ACBD6: variants seen among roughly 807,000 people sequenced by gnomAD.
The protein encoded by ACBD6 is acyl-CoA binding domain containing 6.
In ACBD6, 28 loss-of-function variants were observed where a neutral mutation model predicts 37.2. The ratio of observed to expected loss-of-function variants is 0.75; its 90% CI spans 0.56 to 1.03. ACBD6 has a LOEUF of 1.03. Ranked by LOEUF, ACBD6 falls within the 50% of genes least tolerant of loss-of-function variation. ACBD6 has a pLI of 0.00. For missense variants in ACBD6, 340 were observed against 337.4 expected (o/e 1.01, Z -0.06); for synonymous variants, 113 against 126.8 (o/e 0.89, Z 0.73).
intron 8 of ACBD6, among the ~76,000 whole-genome samples, chr1:180,281,623 C>T (rs1306489922): frequency 2.0e-5 from 3 of 152,140 alleles, no homozygotes; most frequent in African/African-American, 4.8e-5. Flanking sequence ...ATTCCTAGTG[C>T]CTTTCTTCAT....
At chr1:180,298,105 C>T (rs1649993307) in intron 7 of ACBD6, among the ~76,000 whole-genome samples, 1 of 152,166 alleles carries the variant, frequency 6.6e-6, no homozygotes, top group Non-Finnish European at 1.5e-5. Flanking sequence ...TCATGAATCA[C>T]TGTATACCAA....
chr1:180,409,273 T>C (rs187574344), intron 5 of ACBD6, among the ~76,000 whole-genome samples: 211 of 152,308 alleles, frequency 1.4e-3, no homozygotes, highest in African/African-American at 4.8e-3. Context: ...ATGTATTAAC[T>C]TTATAAAAAT....
intron 6 of ACBD6, among the ~76,000 whole-genome samples, chr1:180,320,401 T>G (rs970977985): frequency 6.6e-6 from 1 of 152,180 alleles, no homozygotes; most frequent in Non-Finnish European, 1.5e-5. Flanking sequence ...TTTGGGAGGC[T>G]GAGGCAGATG....
At chr1:180,314,022 C>A (rs909639300) in intron 7 of ACBD6, among the ~76,000 whole-genome samples, 2 of 152,086 alleles carry the variant, frequency 1.3e-5, no homozygotes, top group African/African-American at 2.4e-5. Flanking sequence ...AATCAAATTT[C>A]TTTTTCTTCA....
At chr1:180,474,925 TC>T (rs370953379) in intron 3 of ACBD6, among the ~76,000 whole-genome samples, 4 of 152,376 alleles carry the variant, frequency 2.6e-5, no homozygotes, top group African/African-American at 9.6e-5. Context: ...CATGTCCCTT[TC>T]AGGGATTCTT....
intron 8 of ACBD6, among the ~76,000 whole-genome samples, chr1:180,282,993 T>TTTG (rs397982133): frequency 7.7e-6 from 1 of 129,704 alleles, no homozygotes; most frequent in Non-Finnish European, 1.6e-5. Context: ...TTTTTTTTTT[T>TTTG]GGAAGGGTTC....
rs77771439 is a variant in ACBD6, at chr1:180,358,450, A to C, written c.663+39066T>G. ...TCAAAAACAACAACAACAACAACAA[A>C]AAAAAAAAACCTCACAGCATTTTAG... On this transcript the variant is annotated intron_variant, in intron 6 of 7. Transcript: ENST00000367595. 0.013 allele frequency among the ~76,000 whole-genome samples: 135 copies of C among 10,088 alleles called. 1 individual carries two copies. The Middle Eastern group carries it at 0.33, about 25-fold the overall frequency. 6.6% of individuals were successfully genotyped at this position (10,088 alleles called of 152,430 possible).
At chr1:180,362,762 T>A (rs1468831593) in intron 6 of ACBD6, among the ~76,000 whole-genome samples, 1 of 152,002 alleles carries the variant, frequency 6.6e-6, no homozygotes, top group Non-Finnish European at 1.5e-5. Context: ...ACTACTAATT[T>A]TAAAAAGACA....
At chr1:180,333,246 C>A (rs1396052226) in intron 6 of ACBD6, among the ~76,000 whole-genome samples, 2 of 151,322 alleles carry the variant, frequency 1.3e-5, no homozygotes, top group Non-Finnish European at 2.9e-5. Context: ...AAAAAAAACA[C>A]AATGAGAAGA....
chr1:180,428,646 T>G (rs1172599321), intron 4 of ACBD6, among the ~76,000 whole-genome samples: 1 of 152,200 alleles, frequency 6.6e-6, no homozygotes. Flanking sequence ...CATCAGACAT[T>G]TGAAAAGAAA....
chr1:180,450,115 T>A (rs1025507596), intron 3 of ACBD6, among the ~76,000 whole-genome samples: 1 of 152,010 alleles, frequency 6.6e-6, no homozygotes, highest in Non-Finnish European at 1.5e-5. Context: ...AGACATTGCA[T>A]AACAGAATGT....
intron 3 of ACBD6, among the ~76,000 whole-genome samples, chr1:180,490,743 G>A (rs1240642579): frequency 3.4e-5 from 5 of 148,256 alleles, no homozygotes; most frequent in Middle Eastern, 3.2e-3. Flanking sequence ...CCGAGATTGC[G>A]CCACTGCACT....
intron 6 of ACBD6, among the ~76,000 whole-genome samples, chr1:180,343,544 C>T (rs1473433613): frequency 2.6e-5 from 4 of 152,112 alleles, no homozygotes; most frequent in Admixed American, 1.3e-4. Flanking sequence ...GATTCAAAAA[C>T]AGCTACTCCT....
At chr1:180,325,775 T>G (rs1651238868) in intron 6 of ACBD6, among the ~76,000 whole-genome samples, 1 of 152,232 alleles carries the variant, frequency 6.6e-6, no homozygotes, top group East Asian at 1.9e-4. Context: ...TCTTGAAAAC[T>G]CATAGAGGTA....
At chr1:180,374,287 G>A (rs1303976535) in intron 6 of ACBD6, among the ~76,000 whole-genome samples, 3 of 152,100 alleles carry the variant, frequency 2.0e-5, no homozygotes, top group African/African-American at 4.8e-5. Context: ...ATGCACACTC[G>A]CTGCAGAGTA....
intron 3 of ACBD6, among the ~76,000 whole-genome samples, chr1:180,484,297 T>C (rs7551634): frequency 0.02 from 3,050 of 152,312 alleles, 96 homozygotes; most frequent in African/African-American, 0.068. Flanking sequence ...TCAAAACTCA[T>C]TGAATTACAC....
At chr1:180,403,406 GAAGA>G (rs1233779662) in intron 5 of ACBD6, among the ~76,000 whole-genome samples, 4 of 152,208 alleles carry the variant, frequency 2.6e-5, no homozygotes, top group African/African-American at 9.6e-5. Context: ...AAAATATTTA[GAAGA>G]AAGTGTACTG....
At chr1:180,406,477 C>A (rs943101864) in intron 5 of ACBD6, among the ~76,000 whole-genome samples, 1 of 151,840 alleles carries the variant, frequency 6.6e-6, no homozygotes. Context: ...TACTTATGTA[C>A]AATAAAATAA....
At chr1:180,418,143 G>A (rs1393600484) in intron 4 of ACBD6, among the ~76,000 whole-genome samples, 1 of 151,766 alleles carries the variant, frequency 6.6e-6, no homozygotes, top group African/African-American at 2.4e-5. Context: ...TATTTTATAA[G>A]TTGAGATTAA....
Sources: allele counts gnomAD v4.1 joint callset (sites outside exome capture counted in the v4.1 genomes callset), GRCh38; gene constraint gnomAD v4.1.1; transcripts MANE v1.5; gene names NCBI Gene and HGNC (gene_info 2026-07-23, HGNC 2026-07-21).